Variants in CEP290 observed in about 807,000 individuals in gnomAD.
The protein encoded by CEP290 is centrosomal protein 290, also known as centrosomal protein of 290 kDa.
Under a neutral mutation model 344.9 loss-of-function variants are expected in CEP290, and 317 were observed. The ratio of observed to expected loss-of-function variants is 0.92; its 90% CI spans 0.84 to 1.01. The LOEUF (loss-of-function observed/expected upper bound fraction) is 1.01. Ranked by LOEUF, CEP290 falls within the 50% of genes least tolerant of loss-of-function variation. The pLI is 0.00. For synonymous variants in CEP290, 932 were observed against 895.8 expected, an observed-to-expected ratio of 1.04 and a Z score of -0.72; for missense variants, 2,754 against 2,761.4, an observed-to-expected ratio of 1.00 and a Z score of 0.06.
In CEP290 at chr12:88,089,439, C is replaced by T; in HGVS notation, c.3622G>A (p.Val1208Ile). ...SLIAKLHQHN[V>I]SLQLSEATAL... ...GTAGCCTCACTCAGTTGAAGAGAGA[C>T]ATTATGTTGGTGCAACTTGGCAATG... is the stretch of plus-strand genomic sequence containing the variant. The change falls in exon 31 of 54, where the codon GTC becomes ATC. Residue 1208 changes from valine to isoleucine, a missense_variant. Physicochemically the swap from Val to Ile is conservative, Grantham distance 29. Transcript: ENST00000552810. The T allele has an allele frequency of 1.9e-6, 3 of 1,594,592 alleles. No individual in the cohort carries two copies. The highest frequency in any genetic ancestry group is 1.1e-5 in the South Asian group (1 of 88,512).
chr12:88,062,899 G>T, intron 45 of CEP290, 121 bp from the exon 46 acceptor site: 1 of 602,140 alleles, frequency 1.7e-6, no homozygotes, highest in Admixed American at 3.0e-5. Flanking sequence ...AAATAATAGG[G>T]TCTCTATATT....
At chr12:88,086,210 G>A (rs1488415816) in intron 33 of CEP290, 37 bp from the exon 34 acceptor site, 18 of 1,597,524 alleles carry the variant, frequency 1.1e-5, no homozygotes, top group Admixed American at 1.8e-5. Context: ...AAAAGCAGTT[G>A]CAGCATTGAG....
intron 17 of CEP290, among the ~76,000 whole-genome samples, chr12:88,117,381 C>CT (rs935773547): frequency 6.6e-6 from 1 of 152,012 alleles, no homozygotes; most frequent in African/African-American, 2.4e-5. Context: ...CATTCTTTGC[C>CT]TATTCTATAT....
chr12:88,080,491 G>T, intron 37 of CEP290, 96 bp from the exon 38 acceptor site: 7 of 835,738 alleles, frequency 8.4e-6, no homozygotes, highest in South Asian at 2.0e-5. Context: ...GTGCAGCAGC[G>T]CAATCTCGGC....
chr12:88,117,054 AT>A lies in CEP290; in HGVS notation c.1802del (p.Asn601IlefsTer2). 3 of 1,523,564 alleles carry A rather than the reference AT, an allele frequency of 2.0e-6. No individual in the cohort carries two copies. Among genetic ancestry groups the A allele is most frequent in the Non-Finnish European group, 2.7e-6 (3 of 1,117,978 alleles). The allele number at this position is 1,523,564 out of a possible 1,614,324, so 94.4% of individuals were successfully genotyped here. A position where few individuals can be genotyped will look rare whatever the true frequency, so the allele number is the denominator to read the frequency against. On this transcript the variant is annotated frameshift_variant, in exon 18 of 54. Coordinates refer to ENST00000552810, the MANE Select transcript of CEP290 (RefSeq NM_025114.4). LOFTEE classifies it high-confidence loss of function. ...ERKLDLLSLK[N>X]MSEAQSKNEF... ...TTACCTTTGATTGTGCTTCACTCAT[AT>A]TTTTGAGGCTCAATAAATCCAATTT...
chr12:88,054,049 TCA>T (rs1244055029), intron 51 of CEP290, among the ~76,000 whole-genome samples: 1 of 152,180 alleles, frequency 6.6e-6, no homozygotes, highest in Non-Finnish European at 1.5e-5. Context: ...TTGTTCTCTT[TCA>T]TTAGTATTTT....
At chr12:88,104,955 C>T (rs2038166187) in intron 25 of CEP290, among the ~76,000 whole-genome samples, 1 of 152,028 alleles carries the variant, frequency 6.6e-6, no homozygotes, top group Non-Finnish European at 1.5e-5. Flanking sequence ...TATAATTAAA[C>T]TGGAAATAAC....
At chr12:88,121,251 G>A (rs187381407) in intron 13 of CEP290, 85 bp from the exon 14 acceptor site, 333 of 939,808 alleles carry the variant, frequency 3.5e-4, no homozygotes, top group Non-Finnish European at 4.7e-4. Context: ...CAAGAAAAGT[G>A]GTATGCCATT....
intron 41 of CEP290, among the ~76,000 whole-genome samples, chr12:88,076,616 T>C (rs1055081825): frequency 3.2e-5 from 1 of 30,988 alleles, no homozygotes; most frequent in Non-Finnish European, 1.4e-4. Context: ...TTAGTTTTTT[T>C]TGGGGTTATT....
chr12:88,089,288 T>C lies in CEP290; in HGVS notation c.3773A>G (p.Asn1258Ser), dbSNP rs200830750. Reference sequence around the variant, plus strand: ...TGTTTGGCGCAGATGTTTTGCTCTGTTTCTTCCCTCCAAACGAGCATAATA... The same window carrying C: ...TGTTTGGCGCAGATGTTTTGCTCTGCTTCTTCCCTCCAAACGAGCATAATA... ...ALYYARLEGR[N>S]RAKHLRQTIQ... The change falls in exon 31 of 54, where the codon AAC (asparagine) becomes AGC (serine). Residue 1258 changes from asparagine to serine, a missense_variant. Transcript: ENST00000552810. The C allele has an allele frequency of 1.4e-5, 23 of 1,613,874 alleles. No individual in the cohort carries two copies. In the Admixed American group the frequency reaches 3.5e-4, roughly 25 times the overall value.
chr12:88,107,923 T>C (rs2038406359), intron 23 of CEP290, among the ~76,000 whole-genome samples: 1 of 149,828 alleles, frequency 6.7e-6, no homozygotes, highest in Admixed American at 6.6e-5. Flanking sequence ...AAAAAAAGTA[T>C]GCGAGGTAAT....
intron 25 of CEP290, chr12:88,103,429 T>C (rs1254228709): frequency 6.5e-6 from 1 of 153,422 alleles, no homozygotes; most frequent in Admixed American, 6.5e-5. Context: ...ATGCTTATTG[T>C]AAGTTAAACG....
chr12:88,124,928 T>C (rs1455061599), intron 13 of CEP290, among the ~76,000 whole-genome samples: 1 of 152,074 alleles, frequency 6.6e-6, no homozygotes, highest in Non-Finnish European at 1.5e-5. Context: ...AATTTTATTA[T>C]CTTCCATTCT....
chr12:88,102,900 T>C lies in CEP290; in HGVS notation c.2929A>G (p.Arg977Gly), dbSNP rs765840717. The C allele has an allele frequency of 2.5e-6, 4 of 1,611,424 alleles. No homozygotes were observed. The Admixed American group carries it at 6.7e-5, about 27-fold the overall frequency. The change falls in exon 26 of 54, where the codon AGG becomes GGG. Residue 977 changes from arginine to glycine, a missense_variant. Arg to Gly is a moderately radical substitution (Grantham distance 125, BLOSUM62 -2). Coordinates refer to ENST00000552810, the MANE Select transcript of CEP290 (RefSeq NM_025114.4). The part of the protein sequence containing the change: ...KQYNELTAKY[R>G]DILQKDNMLV... ...ATATTATCTTTTTGCAAGATGTCCC[T>C]GTACTTAGCAGTCAGTTCATTGTAC... is the stretch of plus-strand genomic sequence containing the variant.
intron 39 of CEP290, among the ~76,000 whole-genome samples, 171 bp downstream of exon 39, chr12:88,078,921 G>GT (rs1304789750): frequency 6.6e-6 from 1 of 151,998 alleles, no homozygotes; most frequent in Non-Finnish European, 1.5e-5. Context: ...CAGTAAATGA[G>GT]TATCATAAAG....
chr12:88,115,933 T>A (rs1017085437), intron 18 of CEP290: 3 of 984,840 alleles, frequency 3.0e-6, no homozygotes, highest in Non-Finnish European at 3.6e-6. Context: ...CTTTTTATTA[T>A]ATCTTCTTTC....
Position 88,073,305 on chromosome 12 carries a change from A to G in CEP290, c.5710-1379T>C, listed in dbSNP as rs2035519679. 2.0e-5 allele frequency among the ~76,000 whole-genome samples: 3 copies of G among 152,230 alleles called. No homozygotes were observed. The South Asian group carries it at 6.2e-4, about 32-fold the overall frequency. On this transcript the variant is annotated intron_variant, in intron 41 of 53. Coordinates refer to ENST00000552810, the MANE Select transcript of CEP290 (RefSeq NM_025114.4). ...AAATCAAATTACAAATGGCAATACC[A>G]TCATGACCCATCAGTTGCCAATAGA...
intron 27 of CEP290, among the ~76,000 whole-genome samples, chr12:88,095,086 A>G (rs2037332951): frequency 1.3e-5 from 2 of 152,192 alleles, no homozygotes; most frequent in South Asian, 4.1e-4. Flanking sequence ...TCAGTTCATT[A>G]TGGAATAAAG....
In CEP290 at chr12:88,101,555, A is replaced by T. The variant is rs942371524; in HGVS notation, c.2991+1283T>A. Reference sequence around the variant, plus strand: ...TGTAATCCCAGCTACTCAGAGGCTGAGGCAGGAGAACTGCTTGAATCTGGG... The same window carrying T: ...TGTAATCCCAGCTACTCAGAGGCTGTGGCAGGAGAACTGCTTGAATCTGGG... On this transcript the variant is annotated intron_variant, in intron 26 of 53. Transcript: ENST00000552810. Among the ~76,000 whole-genome samples the T allele has an allele frequency of 4.7e-5, 7 of 150,030 alleles. No homozygotes were observed. In the East Asian group the frequency reaches 1.2e-3, roughly 26 times the overall value.
Sources: allele counts gnomAD v4.1 joint callset (sites outside exome capture counted in the v4.1 genomes callset), GRCh38; gene constraint gnomAD v4.1.1; transcripts MANE v1.5; gene names NCBI Gene and HGNC (gene_info 2026-07-23, HGNC 2026-07-21).